The following SGIP1 variants were observed in gnomAD, a reference collection of about 807,000 sequenced individuals.
The protein encoded by SGIP1 is SH3-containing GRB2-like protein 3-interacting protein 1.
In SGIP1, 38 loss-of-function variants were observed where a neutral mutation model predicts 107.5. That is an observed-to-expected ratio of 0.35 (90% CI 0.27 to 0.46). SGIP1 has a LOEUF of 0.46. SGIP1 is among the 20% of genes least tolerant of loss of function. SGIP1 has a pLI of 1.00. For synonymous variants in SGIP1, 365 were observed against 366.1 expected, an observed-to-expected ratio of 1.00 and a Z score of 0.03; for missense variants, 929 against 1,019.5, an observed-to-expected ratio of 0.91 and a Z score of 1.21.
At chr1:66,740,277 G>T (rs1383886438) in intron 22 of SGIP1, among the ~76,000 whole-genome samples, 1 of 152,140 alleles carries the variant, frequency 6.6e-6, no homozygotes, top group Non-Finnish European at 1.5e-5. Flanking sequence ...CCATACGACT[G>T]TCAGAAGCAA....
At chr1:66,704,043 G>A (rs551014038) in intron 18 of SGIP1, among the ~76,000 whole-genome samples, 3 of 152,094 alleles carry the variant, frequency 2.0e-5, no homozygotes, top group South Asian at 2.1e-4. Flanking sequence ...CTTTCACAGG[G>A]CTGTGGTCAA....
At chr1:66,546,438 A>G (rs1196153081) in intron 1 of SGIP1, among the ~76,000 whole-genome samples, 1 of 152,232 alleles carries the variant, frequency 6.6e-6, no homozygotes, top group African/African-American at 2.4e-5. Context: ...GAAAGAACCA[A>G]CCACTACTAC....
intron 1 of SGIP1, among the ~76,000 whole-genome samples, chr1:66,623,761 T>C (rs1225272170): frequency 6.6e-6 from 1 of 152,216 alleles, no homozygotes; most frequent in African/African-American, 2.4e-5. Flanking sequence ...TGATTTGTTA[T>C]AGGCTGAGAG....
intron 21 of SGIP1, among the ~76,000 whole-genome samples, chr1:66,736,122 GA>G (rs1336922322): frequency 6.9e-6 from 1 of 145,976 alleles, no homozygotes; most frequent in African/African-American, 2.5e-5. Flanking sequence ...ATACAACCTA[GA>G]TACATATAAA....
At chr1:66,650,590 C>A (rs1324280541) in intron 7 of SGIP1, among the ~76,000 whole-genome samples, 1 of 152,136 alleles carries the variant, frequency 6.6e-6, no homozygotes, top group African/African-American at 2.4e-5. Flanking sequence ...TCCTGGCTTG[C>A]TCACCCTTCC....
chr1:66,623,099 T>G (rs946410451), intron 1 of SGIP1, among the ~76,000 whole-genome samples: 2 of 152,196 alleles, frequency 1.3e-5, no homozygotes, highest in Non-Finnish European at 2.9e-5. Context: ...TTAACACAGT[T>G]GGTGTGATTG....
Position 66,673,275 on chromosome 1 carries a change from A to T in SGIP1, c.561-6A>T. On this transcript the variant is annotated splice_polypyrimidine_tract_variant and splice_region_variant and intron_variant, in intron 11 of 24. Transcript: ENST00000371037. ...CCTGTATTTTGCCTTAATGTGTGTGATTTAGCAAAAAGCCTCCAGATGACA... is the reference window on the plus strand; with the variant it reads ...CCTGTATTTTGCCTTAATGTGTGTGTTTTAGCAAAAAGCCTCCAGATGACA... 6.2e-7 allele frequency: 1 copy of T among 1,613,950 alleles called. No homozygotes were observed. The highest frequency in any genetic ancestry group is 1.1e-5 in the South Asian group (1 of 91,052).
chr1:66,701,498 T>C (rs960898392), intron 18 of SGIP1, among the ~76,000 whole-genome samples: 4 of 152,238 alleles, frequency 2.6e-5, no homozygotes, highest in African/African-American at 9.6e-5. Context: ...ATATATGGAC[T>C]GTATTGTCTA....
At chr1:66,552,081 A>C (rs1486528716) in intron 1 of SGIP1, among the ~76,000 whole-genome samples, 1 of 152,166 alleles carries the variant, frequency 6.6e-6, no homozygotes, top group Non-Finnish European at 1.5e-5. Context: ...GTAGCAGAGC[A>C]GGATGGGACC....
chr1:66,645,602 T>C (rs961668956), intron 7 of SGIP1, among the ~76,000 whole-genome samples: 6 of 152,144 alleles, frequency 3.9e-5, no homozygotes, highest in Non-Finnish European at 8.8e-5. Flanking sequence ...CACCTCCAGT[T>C]TGTTCCCTGT....
At position 66,745,105 on chromosome 1, in the gene SGIP1, A is replaced by G. The variant is rs1436944933; in HGVS notation, c.*2010A>G. 2 of 152,204 alleles carry G rather than the reference A, an allele frequency of 1.3e-5. No homozygotes were observed. Among genetic ancestry groups the G allele is most frequent in the East Asian group, 1.9e-4 (1 of 5,200 alleles). 9.4% of individuals were successfully genotyped at this position (152,204 alleles called of 1,614,324 possible). On this transcript the variant is annotated 3_prime_UTR_variant, in exon 25 of 25. Transcript: ENST00000371037. ...ATATTACTGGTTCTCATGTCTTTGT[A>G]TTTATATTTTATTTTGTTTTATTTT...
At position 66,744,801 on chromosome 1, in the gene SGIP1, T is replaced by G. The variant is rs1448553410; in HGVS notation, c.*1706T>G. 2.0e-5 allele frequency: 3 copies of G among 152,486 alleles called. No homozygotes were observed. Among genetic ancestry groups the G allele is most frequent in the Non-Finnish European group, 4.4e-5 (3 of 67,924 alleles). 9.4% of individuals were successfully genotyped at this position (152,486 alleles called of 1,614,324 possible). ...GGAAAATTCTTACTATTCAACAAAC[T>G]CTCAGTTGGCCCCCTACAGCAGTCT... is the stretch of plus-strand genomic sequence containing the variant. On this transcript the variant is annotated 3_prime_UTR_variant, in exon 25 of 25. Coordinates refer to ENST00000371037, the MANE Select transcript of SGIP1 (RefSeq NM_032291.4).
intron 15 of SGIP1, among the ~76,000 whole-genome samples, chr1:66,684,505 C>T (rs2087714857): frequency 6.6e-6 from 1 of 152,206 alleles, no homozygotes; most frequent in Non-Finnish European, 1.5e-5. Context: ...AAAGACATTA[C>T]TCGTCCGTTA....
chr1:66,681,575 G>A (rs985185183), intron 14 of SGIP1, among the ~76,000 whole-genome samples: 5 of 152,190 alleles, frequency 3.3e-5, no homozygotes, highest in African/African-American at 1.2e-4. Flanking sequence ...CCTGTGAGCA[G>A]CCTTCGAGAG....
At chr1:66,698,070 A>G (rs1404563838) in intron 18 of SGIP1, among the ~76,000 whole-genome samples, 1 of 152,208 alleles carries the variant, frequency 6.6e-6, no homozygotes, top group African/African-American at 2.4e-5. Context: ...TCAAAACACT[A>G]TTCTGTCTTG....
At chr1:66,549,133 ACCTGCCTTCCTT>A (rs749029984) in intron 1 of SGIP1, among the ~76,000 whole-genome samples, 2 of 122,834 alleles carry the variant, frequency 1.6e-5, no homozygotes, top group Admixed American at 1.8e-4. Context: ...CCTTCTGGCT[ACCTGCCTTCCTT>A]CCTTCCTTCC....
intron 20 of SGIP1, among the ~76,000 whole-genome samples, chr1:66,732,055 T>G (rs2094037475): frequency 6.6e-6 from 1 of 152,180 alleles, no homozygotes. Flanking sequence ...TCTAAGAAAT[T>G]ATCACAGACC....
intron 1 of SGIP1, among the ~76,000 whole-genome samples, chr1:66,585,243 T>G (rs2148797526): frequency 6.6e-6 from 1 of 152,306 alleles, no homozygotes; most frequent in South Asian, 2.1e-4. Context: ...TCTAGTTTGT[T>G]TTGTTCTGTT....
intron 16 of SGIP1, 102 bp from the exon 17 acceptor site, chr1:66,690,086 GAT>G: frequency 7.5e-7 from 1 of 1,332,952 alleles, no homozygotes. Context: ...CTATTCTTCA[GAT>G]ACCTAAGTTG....
Sources: allele counts gnomAD v4.1 joint callset (sites outside exome capture counted in the v4.1 genomes callset), GRCh38; gene constraint gnomAD v4.1.1; transcripts MANE v1.5; gene names NCBI Gene and HGNC (gene_info 2026-07-23, HGNC 2026-07-21).